PITPNC1: variants seen among roughly 807,000 people sequenced by gnomAD.
PITPNC1 encodes the protein cytoplasmic phosphatidylinositol transfer protein 1.
PITPNC1 carries 18 observed loss-of-function variants against 44.7 expected under a neutral mutation model. The ratio of observed to expected loss-of-function variants is 0.40; its 90% confidence interval spans 0.28 to 0.60. The LOEUF is 0.60. Ranked by LOEUF, PITPNC1 falls within the 20% of genes least tolerant of loss-of-function variation. The pLI is 0.39. For missense variants in PITPNC1, 290 were observed against 418.4 expected, an observed-to-expected ratio of 0.69 and a Z score of 2.68; for synonymous variants, 141 against 149.6, an observed-to-expected ratio of 0.94 and a Z score of 0.42.
chr17:67,513,184 C>T (rs931811505), intron 1 of PITPNC1, among the ~76,000 whole-genome samples: 3 of 151,802 alleles, frequency 2.0e-5, no homozygotes, highest in African/African-American at 7.3e-5. Flanking sequence ...GTCAACAAGG[C>T]GAAACCCCAT....
intron 6 of PITPNC1, among the ~76,000 whole-genome samples, chr17:67,652,855 C>G (rs184752448): frequency 6.6e-6 from 1 of 152,250 alleles, no homozygotes; most frequent in East Asian, 1.9e-4. Context: ...TTGTGTCCCC[C>G]CAGAAAGCTA....
At chr17:67,505,777 A>G (rs543504496) in intron 1 of PITPNC1, among the ~76,000 whole-genome samples, 4 of 152,220 alleles carry the variant, frequency 2.6e-5, no homozygotes, top group Non-Finnish European at 5.9e-5. Context: ...GCCCAGCCCA[A>G]GTTGTTTTTG....
intron 1 of PITPNC1, among the ~76,000 whole-genome samples, chr17:67,396,990 T>A (rs997820878): frequency 6.6e-6 from 1 of 152,114 alleles, no homozygotes; most frequent in Non-Finnish European, 1.5e-5. Flanking sequence ...TTTATTTATT[T>A]ATTTTTTGAG....
intron 8 of PITPNC1, among the ~76,000 whole-genome samples, chr17:67,675,921 C>T (rs1359520847): frequency 6.6e-6 from 1 of 152,082 alleles, no homozygotes; most frequent in Non-Finnish European, 1.5e-5. Context: ...TTGAAACCAC[C>T]CCTTGCCGGG....
At chr17:67,610,087 A>G (rs755670826) in intron 5 of PITPNC1, among the ~76,000 whole-genome samples, 3 of 152,166 alleles carry the variant, frequency 2.0e-5, no homozygotes, top group Admixed American at 6.5e-5. Context: ...TCGTTCCGCT[A>G]TTCCATGCTC....
rs550806867 is a variant in PITPNC1 at position 67,630,492 on chromosome 17, A to G, written c.367-1651A>G. Among the ~76,000 whole-genome samples, 81 of 152,142 alleles carry G rather than the reference A, an allele frequency of 5.3e-4. 3 individuals are homozygous for G. Among genetic ancestry groups the G allele is most frequent in the Middle Eastern group, 3.4e-3 (1 of 294 alleles). On this transcript the variant is annotated intron_variant, in intron 5 of 8. Transcript: ENST00000581322. ...AAATTGGCCGGGCTTGGTGGTGGGC[A>G]CCTGTAGTCCCAGCTACTCAGGAGG...
At chr17:67,395,674 G>A (rs1028345748) in intron 1 of PITPNC1, among the ~76,000 whole-genome samples, 4 of 152,092 alleles carry the variant, frequency 2.6e-5, no homozygotes, top group African/African-American at 4.8e-5. Flanking sequence ...ATCATCATTC[G>A]GGATTATTGT....
At chr17:67,671,497 G>C (rs1311009614) in intron 7 of PITPNC1, among the ~76,000 whole-genome samples, 1 of 152,140 alleles carries the variant, frequency 6.6e-6, no homozygotes, top group Non-Finnish European at 1.5e-5. Context: ...TGTCTATTGA[G>C]ATTGGGGGCC....
chr17:67,544,616 C>T (rs907308285), intron 2 of PITPNC1, among the ~76,000 whole-genome samples: 1 of 152,276 alleles, frequency 6.6e-6, no homozygotes, highest in African/African-American at 2.4e-5. Context: ...TTTCCCGCTA[C>T]ATGGCCCTTG....
chr17:67,631,645 A>ATATATATATATATAT (rs1488483852), intron 5 of PITPNC1, among the ~76,000 whole-genome samples: 1 of 8,002 alleles, frequency 1.2e-4, no homozygotes, highest in African/African-American at 3.1e-4. Flanking sequence ...CAAAAAAAAA[A>ATATATATATATATAT]AAAAAAAAAA....
intron 1 of PITPNC1, among the ~76,000 whole-genome samples, chr17:67,436,592 T>C (rs1168486039): frequency 6.6e-6 from 1 of 152,058 alleles, no homozygotes; most frequent in African/African-American, 2.4e-5. Flanking sequence ...GTTTGGGATA[T>C]GTCCTTTTTG....
chr17:67,632,063 TGG>T (rs939587933), intron 5 of PITPNC1, 78 bp from the exon 6 acceptor site: 1 of 811,824 alleles, frequency 1.2e-6, no homozygotes, highest in African/African-American at 1.7e-5. Context: ...ATGCTCTGTG[TGG>T]GGGTTATTCT....
chr17:67,448,070 G>A (rs1056262358), intron 1 of PITPNC1, among the ~76,000 whole-genome samples: 4 of 151,836 alleles, frequency 2.6e-5, no homozygotes, highest in African/African-American at 7.3e-5. Flanking sequence ...TTCAGCCTCC[G>A]GAGTAGCTGG....
At chr17:67,397,143 G>T (rs2038232068) in intron 1 of PITPNC1, among the ~76,000 whole-genome samples, 1 of 152,002 alleles carries the variant, frequency 6.6e-6, no homozygotes, top group African/African-American at 2.4e-5. Flanking sequence ...ACCACGCCCG[G>T]CTAATTTTTG....
intron 6 of PITPNC1, 161 bp downstream of exon 6, chr17:67,632,399 T>C: frequency 1.6e-6 from 1 of 609,104 alleles, no homozygotes; most frequent in Non-Finnish European, 2.9e-6. Flanking sequence ...CAAAATTAAG[T>C]CTCTAACTCT....
chr17:67,608,112 T>G (rs543200408), intron 5 of PITPNC1, among the ~76,000 whole-genome samples: 2 of 152,276 alleles, frequency 1.3e-5, no homozygotes, highest in East Asian at 3.9e-4. Flanking sequence ...GCTTAGGTTC[T>G]GGAAGCTTAA....
chr17:67,502,853 C>T (rs980726627), intron 1 of PITPNC1, among the ~76,000 whole-genome samples: 9 of 151,648 alleles, frequency 5.9e-5, no homozygotes, highest in African/African-American at 1.2e-4. Context: ...AGTATAGTGG[C>T]GCGATCTTGG....
At chr17:67,391,332 C>T (rs1016598194) in intron 1 of PITPNC1, among the ~76,000 whole-genome samples, 12 of 151,862 alleles carry the variant, frequency 7.9e-5, no homozygotes, top group Non-Finnish European at 1.5e-4. Context: ...AAGACTGTTC[C>T]CCCGCCCCAT....
At chr17:67,492,271 TTGAGA>T (rs2039875581) in intron 1 of PITPNC1, among the ~76,000 whole-genome samples, 1 of 152,128 alleles carries the variant, frequency 6.6e-6, no homozygotes, top group South Asian at 2.1e-4. Context: ...ATCAAGGATC[TTGAGA>T]TGAGATCATT....
Sources: allele counts gnomAD v4.1 joint callset (sites outside exome capture counted in the v4.1 genomes callset), GRCh38; gene constraint gnomAD v4.1.1; transcripts MANE v1.5; gene names NCBI Gene and HGNC (gene_info 2026-07-23, HGNC 2026-07-21).